The following GABRA3 variants were observed in gnomAD, a reference collection of about 807,000 sequenced individuals.
GABRA3 encodes the protein gamma-aminobutyric acid type A receptor subunit alpha3.
In GABRA3, 10 loss-of-function variants were observed where a neutral mutation model predicts 30.1. The ratio of observed to expected loss-of-function variants is 0.33; its 90% CI spans 0.20 to 0.56. The LOEUF (loss-of-function observed/expected upper bound fraction) is 0.56. Ranked by LOEUF, GABRA3 falls within the 20% of genes least tolerant of loss-of-function variation. The probability of loss-of-function intolerance (pLI) is 0.89; values close to 1 mark genes in which losing one functional copy is unlikely to be tolerated. For missense variants in GABRA3, 233 were observed against 392.0 expected (o/e 0.59, Z 3.42); for synonymous variants, 151 against 146.8 (o/e 1.03, Z -0.21).
intron 5 of GABRA3, among the ~76,000 whole-genome samples, chrX:152,225,704 G>A (rs772538704): frequency 9.3e-6 from 1 of 107,790 alleles, no homozygotes; most frequent in Non-Finnish European, 1.9e-5. Flanking sequence ...TTTTTTCAAG[G>A]CTTAACTTTC....
chrX:152,411,166 T>C (rs1183912780), intron 1 of GABRA3, among the ~76,000 whole-genome samples: 4 of 109,400 alleles, frequency 3.7e-5, no homozygotes, highest in African/African-American at 1.3e-4. Context: ...AAATAAGAAA[T>C]CAGGTGGGCA....
At chrX:152,264,894 T>C (rs1158571334) in intron 4 of GABRA3, among the ~76,000 whole-genome samples, 3 of 111,018 alleles carry the variant, frequency 2.7e-5, no homozygotes, top group Non-Finnish European at 5.7e-5. Flanking sequence ...TATAAGAAGA[T>C]ACAAAGAAGG....
At chrX:152,325,786 G>A (rs190523264) in intron 3 of GABRA3, among the ~76,000 whole-genome samples, 2,722 of 111,518 alleles carry the variant, frequency 0.024, 39 homozygotes, top group Middle Eastern at 0.074. Context: ...AAATCAGAGC[G>A]CCTCTTCTCC....
At chrX:152,170,671 C>A (rs1162328166) in intron 9 of GABRA3, among the ~76,000 whole-genome samples, 1 of 111,642 alleles carries the variant, frequency 9.0e-6, no homozygotes, top group Non-Finnish European at 1.9e-5. Flanking sequence ...CCACAGCGTG[C>A]ATGGCAAAGA....
In GABRA3 at chrX:152,368,952, A is replaced by G. The variant is rs941907876; in HGVS notation, c.-26-4356T>C. ...GATCTCCTGACCTTGTGATCCGCCC[A>G]TCTCGGCCTCCCAAAGTGCTGGGAT... On this transcript the variant is annotated intron_variant, in intron 1 of 9. Transcript: ENST00000370314. 1.3e-4 allele frequency among the ~76,000 whole-genome samples: 14 copies of G among 111,061 alleles called. No homozygotes were observed. In the East Asian group the frequency reaches 2.6e-3, roughly 20 times the overall value.
intron 8 of GABRA3, among the ~76,000 whole-genome samples, chrX:152,192,502 CTT>C (rs1937336411): frequency 9.0e-6 from 1 of 111,170 alleles, no homozygotes; most frequent in East Asian, 2.8e-4. Context: ...TAATAATGTT[CTT>C]TTCTTACGGT....
At chrX:152,423,375 T>C (rs1326309166) in intron 1 of GABRA3, among the ~76,000 whole-genome samples, 1 of 112,056 alleles carries the variant, frequency 8.9e-6, no homozygotes, top group Non-Finnish European at 1.9e-5. Flanking sequence ...ATAAGTGAAA[T>C]TAAATCAAGG....
At chrX:152,312,160 A>T (rs771579701) in intron 3 of GABRA3, among the ~76,000 whole-genome samples, 1 of 111,818 alleles carries the variant, frequency 8.9e-6, no homozygotes, top group African/African-American at 3.2e-5. Context: ...AGATTCAATG[A>T]GAAGCCCAAA....
intron 1 of GABRA3, among the ~76,000 whole-genome samples, chrX:152,423,931 A>T (rs978970364): frequency 1.8e-5 from 2 of 111,533 alleles, no homozygotes; most frequent in South Asian, 3.8e-4. Flanking sequence ...CCTCAATAGC[A>T]ATCATAAAAA....
rs761645930 is a variant in GABRA3 at position 152,234,199 on chromosome X, TA to T, written c.552-9355del. Among the ~76,000 whole-genome samples, 104 of 90,692 alleles carry T rather than the reference TA, an allele frequency of 1.1e-3. 1 individual carries two copies. Among genetic ancestry groups the T allele is most frequent in the Non-Finnish European group, 9.8e-4 (47 of 48,060 alleles). 78.8% of individuals were successfully genotyped at this position (90,692 alleles called of 115,157 possible). On this transcript the variant is annotated intron_variant, in intron 5 of 9. Transcript: ENST00000370314. ...TACCCTAAAACTTAAAGTATAATAA[TA>T]AAAAAAATTAAAAAATAAAAATGTT...
chrX:152,329,540 C>T (rs1174102311), intron 3 of GABRA3, among the ~76,000 whole-genome samples: 2 of 111,524 alleles, frequency 1.8e-5, no homozygotes, highest in Admixed American at 1.9e-4. Flanking sequence ...AGAAATAATA[C>T]CACACATCTT....
chrX:152,417,218 C>A (rs1296302467), intron 1 of GABRA3, among the ~76,000 whole-genome samples: 1 of 90,507 alleles, frequency 1.1e-5, no homozygotes, highest in African/African-American at 4.9e-5. Flanking sequence ...GGGCGAAGGA[C>A]ATGAACAGAC....
chrX:152,405,976 TA>T (rs1215535594), intron 1 of GABRA3, among the ~76,000 whole-genome samples: 1 of 110,843 alleles, frequency 9.0e-6, no homozygotes, highest in Non-Finnish European at 1.9e-5. Context: ...AGGCTGCTTC[TA>T]ATTAATGGAA....
chrX:152,350,786 G>A (rs971866812), intron 2 of GABRA3, among the ~76,000 whole-genome samples: 13 of 111,539 alleles, frequency 1.2e-4, no homozygotes, highest in Non-Finnish European at 2.5e-4. Flanking sequence ...ACTATCTATG[G>A]AAGCTATAAC....
chrX:152,424,087 AT>A (rs1930451501), intron 1 of GABRA3, among the ~76,000 whole-genome samples: 1 of 110,876 alleles, frequency 9.0e-6, no homozygotes, highest in South Asian at 3.8e-4. Context: ...TTTATTTTTC[AT>A]TTTATTTTTG....
intron 3 of GABRA3, among the ~76,000 whole-genome samples, chrX:152,343,841 A>G (rs111603473): frequency 0.056 from 6,296 of 112,134 alleles, 193 homozygotes; most frequent in East Asian, 0.12. Flanking sequence ...TGTATATTGT[A>G]GGATTAAACA....
intron 4 of GABRA3, among the ~76,000 whole-genome samples, chrX:152,274,092 CTT>C (rs1399689965): frequency 9.0e-6 from 1 of 111,170 alleles, no homozygotes; most frequent in African/African-American, 3.3e-5. Flanking sequence ...TAAAAATCCT[CTT>C]TGAGATAAAA....
intron 3 of GABRA3, among the ~76,000 whole-genome samples, chrX:152,299,751 ACT>A (rs1365446704): frequency 8.9e-5 from 10 of 112,190 alleles, no homozygotes; most frequent in African/African-American, 2.9e-4. Context: ...ATTACCAAAG[ACT>A]CTGAAAAGTA....
At chrX:152,294,519 C>T (rs1260778299) in intron 3 of GABRA3, among the ~76,000 whole-genome samples, 1 of 111,299 alleles carries the variant, frequency 9.0e-6, no homozygotes, top group Non-Finnish European at 1.9e-5. Context: ...TTCTAGTTAG[C>T]CATTCATCTA....
Sources: gnomAD v4.1 joint callset for allele counts (sites outside exome capture counted in the v4.1 genomes callset) on GRCh38, gnomAD v4.1.1 for gene constraint, MANE v1.5 for transcripts, NCBI Gene and HGNC (gene_info 2026-07-23, HGNC 2026-07-21) for gene names.